Variants in SPTBN4 observed in about 807,000 individuals in gnomAD.
The protein encoded by SPTBN4 is spectrin beta, non-erythrocytic 4, also known as spectrin beta chain, non-erythrocytic 4.
SPTBN4 carries 96 observed loss-of-function variants against 277.8 expected under a neutral mutation model. That is an observed-to-expected ratio of 0.35 (90% CI 0.29 to 0.41). The LOEUF is 0.41. SPTBN4 is among the 10% of genes least tolerant of loss of function. The probability of loss-of-function intolerance (pLI) is 1.00; values close to 1 mark genes in which losing one functional copy is unlikely to be tolerated. For missense variants in SPTBN4, 3,006 were observed against 3,595.7 expected (o/e 0.84, Z 4.19); for synonymous variants, 1,481 against 1,580.3 (o/e 0.94, Z 1.49).
chr19:40,526,890 A>G (rs2080599199), intron 17 of SPTBN4, among the ~76,000 whole-genome samples: 1 of 152,010 alleles, frequency 6.6e-6, no homozygotes, highest in Non-Finnish European at 1.5e-5. Flanking sequence ...TGCCCGGCCT[A>G]CTCTGTTGTT....
chr19:40,472,872 G>A (rs2079902641), intron 2 of SPTBN4, 82 bp downstream of exon 2: 2 of 1,383,796 alleles, frequency 1.4e-6, no homozygotes, highest in Non-Finnish European at 9.8e-7. Context: ...CTGGGAGGGT[G>A]GGAAAAGAGA....
intron 20 of SPTBN4, among the ~76,000 whole-genome samples, chr19:40,535,806 G>A (rs2080728774): frequency 6.6e-6 from 1 of 151,832 alleles, no homozygotes; most frequent in Admixed American, 6.6e-5. Context: ...GCATGGTGGT[G>A]CACGCCTGTA....
At chr19:40,552,142 AC>A (rs917377007) in intron 22 of SPTBN4, among the ~76,000 whole-genome samples, 2 of 151,666 alleles carry the variant, frequency 1.3e-5, no homozygotes, top group African/African-American at 4.8e-5. Flanking sequence ...ACATGGTGAA[AC>A]CCTGTCTCTA....
intron 3 of SPTBN4, among the ~76,000 whole-genome samples, chr19:40,488,056 C>T (rs1381715332): frequency 6.6e-6 from 1 of 151,916 alleles, no homozygotes; most frequent in Non-Finnish European, 1.5e-5. Flanking sequence ...GAAGCCTGGG[C>T]GCGTGGCTGG....
At chr19:40,538,957 T>C (rs1221467531) in intron 20 of SPTBN4, among the ~76,000 whole-genome samples, 1 of 152,148 alleles carries the variant, frequency 6.6e-6, no homozygotes, top group East Asian at 1.9e-4. Context: ...GTATAAGCCA[T>C]GTTTGAGGCC....
Position 40,487,773 on chromosome 19 carries a change from C to T in SPTBN4, c.246C>T (p.Ile82=), listed in dbSNP as rs761370440. The T allele has an allele frequency of 8.1e-6, 13 of 1,613,394 alleles. 1 individual carries two copies. The South Asian group carries it at 1.1e-4, about 14-fold the overall frequency. Reference sequence around the variant, plus strand: ...ACCTCGCCCGCGTGGGCTGCCACATCGGGGACCTCTATGTGGACCTCCGGG... The same window carrying T: ...ACCTCGCCCGCGTGGGCTGCCACATTGGGGACCTCTATGTGGACCTCCGGG... ...NSHLARVGCH[I]GDLYVDLRDG... The change falls in exon 3 of 36, where the codon ATC becomes ATT. Residue 82 remains isoleucine, a synonymous_variant. Coordinates refer to ENST00000598249, the MANE Select transcript of SPTBN4 (RefSeq NM_020971.3).
At position 40,528,747 on chromosome 19, in the gene SPTBN4, A is replaced by G. The variant is rs574416376; in HGVS notation, c.3858-294A>G. 2.2e-4 allele frequency among the ~76,000 whole-genome samples: 33 copies of G among 149,640 alleles called. No homozygotes were observed. In the South Asian group the frequency reaches 6.6e-3, roughly 30 times the overall value. Reference sequence around the variant, plus strand: ...TTTGTCCCTAGGTATGTCTGTCTTTACTTCTCTGTTATCTTTCTCTCTGGA... The same window carrying G: ...TTTGTCCCTAGGTATGTCTGTCTTTGCTTCTCTGTTATCTTTCTCTCTGGA... On this transcript the variant is annotated intron_variant, in intron 17 of 35. Transcript: ENST00000598249.
chr19:40,473,420 C>T (rs960461507), intron 2 of SPTBN4, among the ~76,000 whole-genome samples: 8 of 137,470 alleles, frequency 5.8e-5, no homozygotes, highest in Non-Finnish European at 1.1e-4. Context: ...TGCAGTGGCG[C>T]GATCTCGGCT....
At chr19:40,539,098 A>C (rs771317460) in intron 20 of SPTBN4, among the ~76,000 whole-genome samples, 8 of 152,208 alleles carry the variant, frequency 5.3e-5, no homozygotes, top group South Asian at 2.1e-4. Flanking sequence ...CGGCCTCCCA[A>C]AGTGCTGGGA....
intron 32 of SPTBN4, 81 bp downstream of exon 32, chr19:40,569,807 C>G (rs1599824103): frequency 7.4e-7 from 1 of 1,360,366 alleles, no homozygotes; most frequent in African/African-American, 1.5e-5. Context: ...CAGCCAGTGC[C>G]TAGCCCTGGC....
intron 2 of SPTBN4, among the ~76,000 whole-genome samples, chr19:40,476,508 C>A (rs982545056): frequency 1.3e-5 from 2 of 152,066 alleles, no homozygotes; most frequent in Admixed American, 1.3e-4. Context: ...AGCCTTAGAA[C>A]CTTAAAAAGG....
At chr19:40,476,640 G>T (rs915709338) in intron 2 of SPTBN4, among the ~76,000 whole-genome samples, 3 of 151,758 alleles carry the variant, frequency 2.0e-5, no homozygotes, top group African/African-American at 7.3e-5. Flanking sequence ...CAGGCTGGAG[G>T]GCAGTGACAC....
rs146393415 is a variant in SPTBN4 at position 40,489,703 on chromosome 19, G to A, written c.322-372G>A. 2.7e-3 allele frequency among the ~76,000 whole-genome samples: 409 copies of A among 152,260 alleles called. 1 individual carries two copies. The highest frequency in any genetic ancestry group is 0.022 in the South Asian group (107 of 4,824). On this transcript the variant is annotated intron_variant, in intron 3 of 35. Transcript: ENST00000598249. ...ACGCCGGGGCGGCCATGGGATTAGT[G>A]GCAAAACATTGGTAGAGAGGGATCC... is the stretch of plus-strand genomic sequence containing the variant.
intron 35 of SPTBN4, among the ~76,000 whole-genome samples, chr19:40,573,062 A>C (rs967139485): frequency 9.9e-5 from 15 of 152,222 alleles, no homozygotes; most frequent in African/African-American, 2.9e-4. Context: ...TAATCCCAGC[A>C]CTTTGGGAGG....
At position 40,490,205 on chromosome 19, in the gene SPTBN4, G is replaced by C. The variant is rs767232745; in HGVS notation, c.452G>C (p.Arg151Pro). 1.2e-6 allele frequency: 2 copies of C among 1,614,200 alleles called. No individual in the cohort carries two copies. The highest frequency in any genetic ancestry group is 8.5e-7 in the Non-Finnish European group (1 of 1,180,026). The change falls in exon 4 of 36, where the codon CGG (arginine) becomes CCG (proline). Residue 151 changes from arginine (R) to proline (P), a missense_variant. Transcript: ENST00000598249. This position sits in a 1 kb window ranked among gnomAD's most constrained non-coding sequence, Gnocchi z 4.3. ...GSHDIVDGNHRLTLGLVWTII... is the reference protein window; with the variant it reads ...GSHDIVDGNHPLTLGLVWTII... ...CATGACATCGTGGATGGGAATCACCGGCTGACGCTGGGGCTGGTCTGGACC... is the reference window on the plus strand; with the variant it reads ...CATGACATCGTGGATGGGAATCACCCGCTGACGCTGGGGCTGGTCTGGACC...
chr19:40,556,240 G>A lies in SPTBN4; in HGVS notation c.5241G>A (p.Glu1747=), dbSNP rs1195276015. The A allele has an allele frequency of 1.2e-6, 2 of 1,613,640 alleles. No individual in the cohort carries two copies. Among genetic ancestry groups the A allele is most frequent in the Non-Finnish European group, 1.7e-6 (2 of 1,179,912 alleles). ...SELEHWIAEK[E]VVAGSPELGQ... ...TTGAGCACTGGATTGCCGAGAAGGAGGTGGTGGCTGGCTCACCCGAGCTCG... is the reference window on the plus strand; with the variant it reads ...TTGAGCACTGGATTGCCGAGAAGGAAGTGGTGGCTGGCTCACCCGAGCTCG... The change falls in exon 25 of 36, where the codon GAG becomes GAA. Residue 1747 remains glutamate (E), a synonymous_variant. Transcript: ENST00000598249.
chr19:40,506,086 A>C, intron 12 of SPTBN4, 150 bp from the exon 13 acceptor site: 1 of 1,054,064 alleles, frequency 9.5e-7, no homozygotes, highest in Non-Finnish European at 1.3e-6. Context: ...AGAGCTGGTA[A>C]GAGAGTCTTG....
chr19:40,540,135 C>T (rs2080782746), intron 20 of SPTBN4, among the ~76,000 whole-genome samples: 1 of 151,824 alleles, frequency 6.6e-6, no homozygotes, highest in Admixed American at 6.6e-5. Context: ...CCATGTTGTC[C>T]AGGCTGGTCC....
Position 40,556,302 on chromosome 19 carries a change from G to A in SPTBN4, c.5289+14G>A, listed in dbSNP as rs775555710. On this transcript the variant is annotated intron_variant, in intron 25 of 35. Coordinates refer to ENST00000598249, the MANE Select transcript of SPTBN4 (RefSeq NM_020971.3). ...GAGCATGTCTCGGTGAGCATCATTA[G>A]TAATAAGTGATACCAGGAGCTACCA... 2 of 1,604,234 alleles carry A rather than the reference G, an allele frequency of 1.2e-6. No individual in the cohort carries two copies. Among genetic ancestry groups the A allele is most frequent in the African/African-American group, 2.7e-5 (2 of 74,682 alleles).
Sources: allele counts gnomAD v4.1 joint callset (sites outside exome capture counted in the v4.1 genomes callset), GRCh38; gene constraint gnomAD v4.1.1; non-coding constraint Gnocchi (gnomAD v3.1); transcripts MANE v1.5; gene names NCBI Gene and HGNC (gene_info 2026-07-23, HGNC 2026-07-21).